Variants in SCAP observed in about 807,000 individuals in gnomAD.
SCAP encodes the protein SREBF chaperone.
A neutral mutation model predicts 123.6 loss-of-function variants in SCAP; 65 were observed. The observed-to-expected ratio is 0.53, with a 90% CI of 0.43 to 0.65. The LOEUF is 0.65. Among genes scored for constraint, SCAP ranks in the 30% least tolerant of loss-of-function variants. SCAP has a pLI of 0.00. For missense variants in SCAP, 1,398 were observed against 1,712.5 expected, an observed-to-expected ratio of 0.82 and a Z score of 3.24; for synonymous variants, 740 against 726.3, an observed-to-expected ratio of 1.02 and a Z score of -0.30.
intron 9 of SCAP, 58 bp from the exon 10 acceptor site, chr3:47,422,594 A>C: frequency 1.2e-5 from 17 of 1,408,004 alleles, no homozygotes; most frequent in Non-Finnish European, 1.5e-5. Context: ...GACATGACTC[A>C]CACAACCTCA....
chr3:47,466,490 A>C (rs1461245803), intron 1 of SCAP, among the ~76,000 whole-genome samples: 2 of 152,070 alleles, frequency 1.3e-5, no homozygotes, highest in South Asian at 2.1e-4. Flanking sequence ...CCAAAAATAA[A>C]CTCTCACAAA....
In SCAP at chr3:47,435,043, G is replaced by C; in HGVS notation, c.217C>G (p.Arg73Gly). ...TGCTCAGTAGGCTCTCCTTGTTTGC[G>C]GTCAGAGTCCACAGGTGGGGGCGAG... ...DYSPPPVDSD[R>G]KQGEPTEQPE... Residue 73 changes from arginine to glycine, a missense_variant, in exon 3 of 23, where the codon CGC becomes GGC. Transcript: ENST00000265565. 1.2e-6 allele frequency: 2 copies of C among 1,614,106 alleles called. No individual in the cohort carries two copies. Among genetic ancestry groups the C allele is most frequent in the South Asian group, 1.1e-5 (1 of 91,084 alleles).
At position 47,418,163 on chromosome 3, in the gene SCAP, C is replaced by T; in HGVS notation, c.2418G>A (p.Gly806=). 1.9e-6 allele frequency: 3 copies of T among 1,570,838 alleles called. No homozygotes were observed. Among genetic ancestry groups the T allele is most frequent in the Non-Finnish European group, 2.6e-6 (3 of 1,158,760 alleles). Reference sequence around the variant, plus strand: ...GGCGCGGAATGCGCGTTAGGCAATCCCCGGTCTGCGCGTCCCACACGCAGA... The same window carrying T: ...GGCGCGGAATGCGCGTTAGGCAATCTCCGGTCTGCGCGTCCCACACGCAGA... ...GHVCVWDAQT[G]DCLTRIPRPG... The change falls in exon 16 of 23, where the codon GGG becomes GGA. Residue 806 remains glycine (G), a synonymous_variant. Transcript: ENST00000265565.
At chr3:47,437,927 C>G (rs1399177073) in intron 2 of SCAP, among the ~76,000 whole-genome samples, 1 of 151,978 alleles carries the variant, frequency 6.6e-6, no homozygotes, top group Non-Finnish European at 1.5e-5. Flanking sequence ...TAGATGATAC[C>G]AAACAGTTTT....
chr3:47,434,317 C>A (rs1267077178), intron 3 of SCAP, among the ~76,000 whole-genome samples: 1 of 152,208 alleles, frequency 6.6e-6, no homozygotes, highest in Non-Finnish European at 1.5e-5. Context: ...GAAGAAAGGG[C>A]ACTTTGTCCA....
intron 1 of SCAP, chr3:47,475,401 CAA>C (rs1708228647): frequency 6.6e-6 from 1 of 152,252 alleles, no homozygotes; most frequent in Non-Finnish European, 1.5e-5. Flanking sequence ...TAAGATCTTC[CAA>C]AAGAGGCAAA....
At chr3:47,453,927 G>A (rs1707312482) in intron 1 of SCAP, among the ~76,000 whole-genome samples, 1 of 151,840 alleles carries the variant, frequency 6.6e-6, no homozygotes, top group Admixed American at 6.6e-5. Context: ...TCCTCCATAA[G>A]CCTTCTCTAA....
In SCAP at chr3:47,419,459, T is replaced by C. The variant is rs1705792860; in HGVS notation, c.1809A>G (p.Pro603=). Reference sequence around the variant, plus strand: ...CTGGGCTGTCATGGACAACCTCTGCTGGACCTCCACGCTCAGGTGACTCGC... The same window carrying C: ...CTGGGCTGTCATGGACAACCTCTGCCGGACCTCCACGCTCAGGTGACTCGC... ...SPGESPERGG[P]AEVVHDSPVP... is the part of the protein sequence containing the mutation. Residue 603 remains proline, a synonymous_variant, in exon 13 of 23, where the codon CCA becomes CCG. Transcript: ENST00000265565. This position sits in a 1 kb window ranked among gnomAD's most constrained non-coding sequence, Gnocchi z 5.0. The C allele has an allele frequency of 6.2e-7, 1 of 1,613,912 alleles. No individual in the cohort carries two copies.
intron 2 of SCAP, among the ~76,000 whole-genome samples, chr3:47,440,289 G>C (rs1444480656): frequency 6.6e-6 from 1 of 152,124 alleles, no homozygotes; most frequent in Admixed American, 6.5e-5. Context: ...TGGAAGAAGG[G>C]GGCACTGCTC....
At chr3:47,425,400 T>C (rs1706080579) in intron 8 of SCAP, 85 bp downstream of exon 8, 2 of 1,465,284 alleles carry the variant, frequency 1.4e-6, no homozygotes, top group South Asian at 1.3e-5. Flanking sequence ...CACAGCAAAG[T>C]CCAGGGAAGG....
At chr3:47,433,272 G>A (rs2107856666) in intron 3 of SCAP, among the ~76,000 whole-genome samples, 1 of 152,282 alleles carries the variant, frequency 6.6e-6, no homozygotes, top group African/African-American at 2.4e-5. Context: ...ATGGAGGTGA[G>A]ATAACTGACC....
At chr3:47,462,383 A>C (rs1398815579) in intron 1 of SCAP, among the ~76,000 whole-genome samples, 1 of 152,148 alleles carries the variant, frequency 6.6e-6, no homozygotes, top group Non-Finnish European at 1.5e-5. Flanking sequence ...TGTGTAGTAA[A>C]GGCACACGCA....
At chr3:47,427,967 G>A (rs947854145) in intron 4 of SCAP, among the ~76,000 whole-genome samples, 3 of 152,214 alleles carry the variant, frequency 2.0e-5, no homozygotes, top group African/African-American at 2.4e-5. Context: ...GGCCAGTTCA[G>A]TGGATGAGCA....
chr3:47,475,519 A>G (rs1353306154), intron 1 of SCAP: 1 of 152,188 alleles, frequency 6.6e-6, no homozygotes, highest in Non-Finnish European at 1.5e-5. Flanking sequence ...GACGCCGCGC[A>G]TCTCCCCCCG....
chr3:47,459,953 T>C lies in SCAP; in HGVS notation c.-99+15846A>G, dbSNP rs1383638178. 9.2e-5 allele frequency among the ~76,000 whole-genome samples: 14 copies of C among 152,206 alleles called. No individual in the cohort carries two copies. In the East Asian group the frequency reaches 1.7e-3, roughly 19 times the overall value. ...CTCCCAGAGCGGCCATTTATAGACC[T>C]CCCACCAGGAATGCATTCCTTTCCC... is the stretch of plus-strand genomic sequence containing the variant. On this transcript the variant is annotated intron_variant, in intron 1 of 22. Coordinates refer to ENST00000265565, the MANE Select transcript of SCAP (RefSeq NM_012235.4).
chr3:47,427,511 A>G lies in SCAP; in HGVS notation c.567T>C (p.Pro189=), dbSNP rs751871591. ...GCTGGTGGATGGTCCCAATGATGTC[A>G]GGATCAGCATGGAAGCGTTCCCAGT... ...QNDWERFHAD[P]DIIGTIHQHE... Residue 189 remains proline (P), a synonymous_variant, in exon 5 of 23, where the codon CCT becomes CCC. Coordinates refer to ENST00000265565, the MANE Select transcript of SCAP (RefSeq NM_012235.4). 1.2e-6 allele frequency: 2 copies of G among 1,614,204 alleles called. No homozygotes were observed. The highest frequency in any genetic ancestry group is 4.5e-5 in the East Asian group (2 of 44,890).
At chr3:47,454,950 A>G (rs1484446585) in intron 1 of SCAP, among the ~76,000 whole-genome samples, 2 of 151,260 alleles carry the variant, frequency 1.3e-5, no homozygotes, top group Admixed American at 6.6e-5. Context: ...AGTTATCACA[A>G]TCAGTCAAGA....
chr3:47,432,392 G>A (rs544887580), intron 3 of SCAP, among the ~76,000 whole-genome samples: 2 of 150,298 alleles, frequency 1.3e-5, no homozygotes, highest in Admixed American at 1.3e-4. Flanking sequence ...CCACTGGGGA[G>A]CTCTTTCGAT....
chr3:47,421,115 T>A, intron 10 of SCAP, 86 bp from the exon 11 acceptor site: 1 of 1,037,598 alleles, frequency 9.6e-7, no homozygotes, highest in Non-Finnish European at 1.5e-6. Flanking sequence ...TGCAGCCACC[T>A]CATAACCGGC....
Sources: allele counts gnomAD v4.1 joint callset (sites outside exome capture counted in the v4.1 genomes callset), GRCh38; gene constraint gnomAD v4.1.1; non-coding constraint Gnocchi (gnomAD v3.1); transcripts MANE v1.5; gene names NCBI Gene and HGNC (gene_info 2026-07-23, HGNC 2026-07-21).